GLIS3: variants seen among roughly 807,000 people sequenced by gnomAD.
GLIS3 encodes the protein GLIS family zinc finger 3.
In GLIS3, 53 loss-of-function variants were observed where a neutral mutation model predicts 78.6. That is an observed-to-expected ratio of 0.67 (90% CI 0.54 to 0.85). GLIS3 has a LOEUF of 0.85. Ranked by LOEUF, GLIS3 falls within the 40% of genes least tolerant of loss-of-function variation. The pLI, the probability that GLIS3 is intolerant of heterozygous loss-of-function variation, is 0.00. For missense variants in GLIS3, 1,703 were observed against 1,231.1 expected (o/e 1.38, Z -5.74); for synonymous variants, 684 against 509.9 (o/e 1.34, Z -4.60).
chr9:4,032,604 G>A (rs1054221281), intron 4 of GLIS3, among the ~76,000 whole-genome samples: 8 of 152,128 alleles, frequency 5.3e-5, no homozygotes, highest in African/African-American at 1.9e-4. Flanking sequence ...TATTTCTAAT[G>A]TGCAACAAGG....
At chr9:3,958,095 A>G (rs925376119) in intron 4 of GLIS3, among the ~76,000 whole-genome samples, 1 of 152,224 alleles carries the variant, frequency 6.6e-6, no homozygotes, top group Non-Finnish European at 1.5e-5. Context: ...GAATGTTTCA[A>G]CATTGCCTTC....
chr9:4,367,633 C>CAAAA, the GLIS3 span, among the ~76,000 whole-genome samples: 38 of 61,966 alleles, frequency 6.1e-4, no homozygotes, highest in African/African-American at 1.2e-3. Flanking sequence ...GACTCCATCT[C>CAAAA]AAAAAAAAAA....
chr9:4,059,829 T>TGTGTGTGTGTGTGTGTGAGA, intron 4 of GLIS3, among the ~76,000 whole-genome samples: 173 of 100,688 alleles, frequency 1.7e-3, no homozygotes, highest in Middle Eastern at 6.3e-3. Flanking sequence ...TGTGTGTGTG[T>TGTGTGTGTGTGTGTGTGAGA]GAGAGAGAGA....
the GLIS3 span, among the ~76,000 whole-genome samples, chr9:4,467,749 C>G: frequency 6.6e-6 from 1 of 152,214 alleles, no homozygotes; most frequent in Non-Finnish European, 1.5e-5. Flanking sequence ...GAAGACAGCT[C>G]CTCGCCATCA....
At chr9:4,025,841 T>C (rs1823290297) in intron 4 of GLIS3, among the ~76,000 whole-genome samples, 2 of 152,206 alleles carry the variant, frequency 1.3e-5, no homozygotes, top group Non-Finnish European at 2.9e-5. Flanking sequence ...TAACAGTATT[T>C]AAATCATGGT....
intron 4 of GLIS3, among the ~76,000 whole-genome samples, chr9:4,078,906 C>T (rs1445717754): frequency 3.3e-5 from 5 of 152,098 alleles, no homozygotes; most frequent in Admixed American, 1.3e-4. Context: ...CTCTGTCCCC[C>T]GCCCCACCCC....
intron 6 of GLIS3, among the ~76,000 whole-genome samples, chr9:3,927,019 C>T (rs1443026856): frequency 1.3e-5 from 2 of 152,232 alleles, no homozygotes; most frequent in African/African-American, 2.4e-5. Context: ...CAATAGGCCA[C>T]CCTCTGTTAA....
the GLIS3 span, among the ~76,000 whole-genome samples, chr9:4,423,405 G>C: frequency 6.6e-6 from 1 of 151,978 alleles, no homozygotes; most frequent in African/African-American, 2.4e-5. Flanking sequence ...TCTTTTCCCA[G>C]CTGGATCCAG....
At chr9:4,196,708 C>G (rs1427850530) in intron 2 of GLIS3, among the ~76,000 whole-genome samples, 2 of 152,206 alleles carry the variant, frequency 1.3e-5, no homozygotes, top group Non-Finnish European at 2.9e-5. Flanking sequence ...AAACTCCAGA[C>G]ACGCCATTTT....
At chr9:4,089,746 G>C (rs1331228455) in intron 4 of GLIS3, among the ~76,000 whole-genome samples, 1 of 152,092 alleles carries the variant, frequency 6.6e-6, no homozygotes, top group African/African-American at 2.4e-5. Context: ...TTGAGTCCAG[G>C]AGTTTGAGGC....
intron 2 of GLIS3, among the ~76,000 whole-genome samples, chr9:4,238,196 C>T (rs1211725760): frequency 2.6e-5 from 4 of 152,176 alleles, no homozygotes; most frequent in Non-Finnish European, 5.9e-5. Context: ...GCGCAAAGAG[C>T]TTCCTGAGAG....
rs1295106423 is a variant in GLIS3 at position 4,118,392 on chromosome 9, C to G, written c.1086G>C (p.Pro362=). 1 of 1,602,744 alleles carries G rather than the reference C, an allele frequency of 6.2e-7. No individual in the cohort carries two copies. The highest frequency in any genetic ancestry group is 2.2e-5 in the East Asian group (1 of 44,618). ...LGVRGSCIPQ[P]RPVPGSQKGV... ...CCTTCTGGCTGCCGGGCACCGGGCG[C>G]GGCTGGGGAATGCAGCTGCCGCGCA... The change falls in exon 4 of 11, where the codon CCG becomes CCC. Residue 362 remains proline, a synonymous_variant. Coordinates refer to ENST00000381971, the MANE Select transcript of GLIS3 (RefSeq NM_001042413.2). The surrounding 1 kb of genome is among the most constrained non-coding windows in gnomAD (Gnocchi z 4.7).
At chr9:4,254,393 A>G (rs746104509) in intron 2 of GLIS3, among the ~76,000 whole-genome samples, 76 of 152,232 alleles carry the variant, frequency 5.0e-4, no homozygotes, top group Non-Finnish European at 1.1e-3. Context: ...GACTGAATAG[A>G]GACATATACT....
At chr9:4,348,363 G>T (rs917631577) in exon 1 of GLIS3, 1 of 152,120 alleles carries the variant, frequency 6.6e-6, no homozygotes, top group African/African-American at 2.4e-5. Flanking sequence ...CACGATCCAA[G>T]TGCCTGTTGG....
intron 4 of GLIS3, among the ~76,000 whole-genome samples, chr9:4,037,260 C>A (rs1824396190): frequency 6.6e-6 from 1 of 152,100 alleles, no homozygotes. Context: ...AGCACGGATA[C>A]CTAAACTAAA....
intron 4 of GLIS3, among the ~76,000 whole-genome samples, chr9:3,943,421 A>C (rs1251892398): frequency 1.3e-5 from 2 of 152,242 alleles, no homozygotes; most frequent in Non-Finnish European, 2.9e-5. Context: ...TGTTGCAGTC[A>C]AATCACCCGC....
intron 2 of GLIS3, among the ~76,000 whole-genome samples, chr9:4,278,279 A>G (rs1249653808): frequency 6.6e-6 from 1 of 152,210 alleles, no homozygotes; most frequent in Admixed American, 6.5e-5. Flanking sequence ...GTCAACAAGA[A>G]CACCCTTTCA....
intron 9 of GLIS3, among the ~76,000 whole-genome samples, chr9:3,839,163 A>T (rs1157265828): frequency 6.6e-6 from 1 of 152,236 alleles, no homozygotes; most frequent in Admixed American, 6.5e-5. Flanking sequence ...AGACAATGAG[A>T]TGGAAGCAGA....
Position 4,254,243 on chromosome 9 carries a change from C to T in GLIS3, c.388+31795G>A, listed in dbSNP as rs572890278. 6.6e-5 allele frequency among the ~76,000 whole-genome samples: 10 copies of T among 152,242 alleles called. No individual in the cohort carries two copies. The South Asian group carries it at 1.5e-3, about 22-fold the overall frequency. On this transcript the variant is annotated intron_variant, in intron 2 of 10. Coordinates refer to ENST00000381971, the MANE Select transcript of GLIS3 (RefSeq NM_001042413.2). Reference sequence around the variant, plus strand: ...AATAACCTCTATTAGTAAAACCAATCAGAAGATACGTGAGAATAAAGAGTC... The same window carrying T: ...AATAACCTCTATTAGTAAAACCAATTAGAAGATACGTGAGAATAAAGAGTC...
Sources: allele counts gnomAD v4.1 joint callset (sites outside exome capture counted in the v4.1 genomes callset), GRCh38; gene constraint gnomAD v4.1.1; non-coding constraint Gnocchi (gnomAD v3.1); transcripts MANE v1.5; gene names NCBI Gene and HGNC (gene_info 2026-07-23, HGNC 2026-07-21).